GPC5: variants seen among roughly 807,000 people sequenced by gnomAD.
GPC5 encodes the protein glypican-5.
GPC5 carries 47 observed loss-of-function variants against 53.9 expected under a neutral mutation model. That is an observed-to-expected ratio of 0.87 (90% CI 0.69 to 1.11). GPC5 has a LOEUF of 1.11. GPC5 is among the 50% of genes most tolerant of loss of function. The probability of loss-of-function intolerance (pLI) is 0.00; values close to 1 mark genes in which losing one functional copy is unlikely to be tolerated. For missense variants in GPC5, 748 were observed against 713.1 expected, an observed-to-expected ratio of 1.05 and a Z score of -0.56; for synonymous variants, 286 against 263.3, an observed-to-expected ratio of 1.09 and a Z score of -0.84.
intron 2 of GPC5, among the ~76,000 whole-genome samples, chr13:91,496,666 G>A (rs1186975918): frequency 6.6e-6 from 1 of 152,182 alleles, no homozygotes; most frequent in South Asian, 2.1e-4. Context: ...GTGGGGTGGT[G>A]AGGATGGTTA....
chr13:92,769,630 C>T (rs1054948435), intron 7 of GPC5, among the ~76,000 whole-genome samples: 1 of 152,094 alleles, frequency 6.6e-6, no homozygotes, highest in Admixed American at 6.5e-5. Flanking sequence ...GATTACCATG[C>T]AATGAATGAT....
intron 7 of GPC5, among the ~76,000 whole-genome samples, chr13:92,721,381 TAAAAC>T (rs1242228967): frequency 6.6e-6 from 1 of 152,010 alleles, no homozygotes; most frequent in Non-Finnish European, 1.5e-5. Context: ...ATAGGTAAAA[TAAAAC>T]AAAATTAAAA....
In GPC5 at chr13:92,692,754, A is replaced by ATTTTTTTTTTTTTTTTTTTTTTTTTTT. The variant is rs71272284; in HGVS notation, c.1562-173506_1562-173505insTTTTTTTTTTTTTTTTTTTTTTTTTTT. On this transcript the variant is annotated intron_variant, in intron 7 of 7. Transcript: ENST00000377067. ...CTCCAAAGCCTCACCAATATCGGCT[A>ATTTTTTTTTTTTTTTTTTTTTTTTTTT]TTTTTTTTTTTTTTTTTTTTTTACA... Among the ~76,000 whole-genome samples the ATTTTTTTTTTTTTTTTTTTTTTTTTTT allele has an allele frequency of 2.5e-4, 20 of 81,030 alleles. 4 individuals carry two copies. In the East Asian group the frequency reaches 2.5e-3, roughly 10 times the overall value. The allele number at this position is 81,030 out of a possible 152,430, so 53.2% of individuals were successfully genotyped here.
At chr13:92,735,618 A>C (rs1010489397) in intron 7 of GPC5, among the ~76,000 whole-genome samples, 2 of 151,976 alleles carry the variant, frequency 1.3e-5, no homozygotes, top group African/African-American at 4.8e-5. Flanking sequence ...TGGAAAATGA[A>C]ATGTTATCCA....
intron 7 of GPC5, among the ~76,000 whole-genome samples, chr13:92,638,110 T>C (rs1350553132): frequency 1.3e-5 from 2 of 152,164 alleles, no homozygotes; most frequent in African/African-American, 2.4e-5. Context: ...TGGCCTATTA[T>C]AAGGGTAATT....
At chr13:92,156,538 G>A (rs1236641812) in intron 7 of GPC5, among the ~76,000 whole-genome samples, 1 of 152,084 alleles carries the variant, frequency 6.6e-6, no homozygotes, top group Admixed American at 6.6e-5. Context: ...CTGCTTTGAG[G>A]TTAATGAGGA....
At chr13:92,841,216 G>T (rs1878417605) in intron 7 of GPC5, among the ~76,000 whole-genome samples, 1 of 151,980 alleles carries the variant, frequency 6.6e-6, no homozygotes, top group South Asian at 2.1e-4. Flanking sequence ...ATCATCATTT[G>T]CGTTAACATT....
chr13:92,546,749 G>A (rs527263646), intron 7 of GPC5, among the ~76,000 whole-genome samples: 42 of 152,238 alleles, frequency 2.8e-4, no homozygotes, highest in African/African-American at 1.0e-3. Context: ...GAGGCATCAC[G>A]CTACCTGACT....
chr13:92,512,570 G>A (rs1880613345), intron 7 of GPC5, among the ~76,000 whole-genome samples: 1 of 152,026 alleles, frequency 6.6e-6, no homozygotes, highest in African/African-American at 2.4e-5. Flanking sequence ...CATCTGAATT[G>A]TAGTAACCCA....
chr13:92,112,009 A>G (rs962202074), intron 6 of GPC5, among the ~76,000 whole-genome samples: 1 of 152,212 alleles, frequency 6.6e-6, no homozygotes, highest in African/African-American at 2.4e-5. Flanking sequence ...AATGAGACTA[A>G]AAGCTGTAAA....
At chr13:91,829,150 A>G (rs2038618476) in intron 5 of GPC5, among the ~76,000 whole-genome samples, 1 of 152,094 alleles carries the variant, frequency 6.6e-6, no homozygotes. Context: ...TAAGAAGGCT[A>G]CACATGACCT....
intron 7 of GPC5, among the ~76,000 whole-genome samples, chr13:92,333,449 C>T (rs1233208812): frequency 6.6e-6 from 1 of 152,100 alleles, no homozygotes; most frequent in Non-Finnish European, 1.5e-5. Context: ...AATACAGAAT[C>T]TCAGCCCACT....
intron 6 of GPC5, among the ~76,000 whole-genome samples, chr13:92,120,176 T>G (rs2041637134): frequency 6.6e-6 from 1 of 152,196 alleles, no homozygotes; most frequent in Non-Finnish European, 1.5e-5. Flanking sequence ...AAGATACCCT[T>G]TAAAAGCAGC....
intron 5 of GPC5, among the ~76,000 whole-genome samples, chr13:91,875,578 TTC>T (rs1179677995): frequency 6.6e-6 from 1 of 152,200 alleles, no homozygotes; most frequent in Non-Finnish European, 1.5e-5. Context: ...CCAATAACAT[TTC>T]TGTTTGTTCT....
chr13:92,089,827 T>C (rs1003104317), intron 6 of GPC5, among the ~76,000 whole-genome samples: 5 of 152,204 alleles, frequency 3.3e-5, no homozygotes, highest in Non-Finnish European at 7.3e-5. Context: ...TTCTAAATTC[T>C]TCAGAGATAA....
At chr13:91,982,701 C>G (rs927751182) in intron 6 of GPC5, among the ~76,000 whole-genome samples, 1 of 151,978 alleles carries the variant, frequency 6.6e-6, no homozygotes, top group Non-Finnish European at 1.5e-5. Flanking sequence ...ATAAATGGTG[C>G]CACACACCTC....
chr13:92,207,908 GT>G (rs905474436), intron 7 of GPC5, among the ~76,000 whole-genome samples: 52 of 152,318 alleles, frequency 3.4e-4, no homozygotes, highest in African/African-American at 1.2e-3. Context: ...GCCTATTCCT[GT>G]TAGGACCAAT....
chr13:92,023,148 A>G (rs2138793648), intron 6 of GPC5, among the ~76,000 whole-genome samples: 1 of 152,240 alleles, frequency 6.6e-6, no homozygotes, highest in Non-Finnish European at 1.5e-5. Flanking sequence ...AGAAATTTTC[A>G]TGTGTCTGCA....
chr13:91,878,671 T>A (rs1264662878), intron 5 of GPC5, among the ~76,000 whole-genome samples: 1 of 152,144 alleles, frequency 6.6e-6, no homozygotes, highest in Non-Finnish European at 1.5e-5. Context: ...GATGGTTTTA[T>A]AAGGAGCTTT....
Sources: gnomAD v4.1 joint callset for allele counts (sites outside exome capture counted in the v4.1 genomes callset) on GRCh38, gnomAD v4.1.1 for gene constraint, MANE v1.5 for transcripts, NCBI Gene and HGNC (gene_info 2026-07-23, HGNC 2026-07-21) for gene names.